ZFHX4: variants seen among roughly 807,000 people sequenced by gnomAD.
ZFHX4 encodes the protein zinc finger homeobox 4, also known as zinc finger homeobox protein 4.
A neutral mutation model predicts 267.6 loss-of-function variants in ZFHX4; 56 were observed. That is an observed-to-expected ratio of 0.21 (90% CI 0.17 to 0.26). The LOEUF is 0.26. ZFHX4 is among the 10% of genes least tolerant of loss of function. The pLI is 1.00. For missense variants in ZFHX4, 4,332 were observed against 4,420.0 expected, an observed-to-expected ratio of 0.98 and a Z score of 0.56; for synonymous variants, 1,778 against 1,665.6, an observed-to-expected ratio of 1.07 and a Z score of -1.64.
At chr8:76,699,151 T>C (rs1808035501) in intron 1 of ZFHX4, among the ~76,000 whole-genome samples, 1 of 152,206 alleles carries the variant, frequency 6.6e-6, no homozygotes, top group South Asian at 2.1e-4. Flanking sequence ...CTCACAAACA[T>C]TAACTACGCA....
chr8:76,785,988 C>T (rs1810678302), intron 4 of ZFHX4, among the ~76,000 whole-genome samples: 1 of 152,082 alleles, frequency 6.6e-6, no homozygotes. Context: ...CCTTGATTTC[C>T]TCAACTCACG....
intron 3 of ZFHX4, among the ~76,000 whole-genome samples, chr8:76,773,675 A>G (rs1810328362): frequency 6.6e-6 from 1 of 152,136 alleles, no homozygotes; most frequent in Non-Finnish European, 1.5e-5. Context: ...TGCTTTTTAA[A>G]TGATCTATGT....
chr8:76,855,130 T>C lies in ZFHX4; in HGVS notation c.8209T>C (p.Leu2737=). 6.2e-7 allele frequency: 1 copy of C among 1,613,600 alleles called. No homozygotes were observed. Among genetic ancestry groups the C allele is most frequent in the Non-Finnish European group, 8.5e-7 (1 of 1,179,718 alleles). Residue 2737 remains leucine, a synonymous_variant, in exon 10 of 11, where the codon TTA becomes CTA. Coordinates refer to ENST00000651372, the MANE Select transcript of ZFHX4 (RefSeq NM_024721.5). The part of the protein sequence containing the change: ...YIYFDYPSLP[L]TKIDLSSENE... ...CTATTTTGATTACCCATCTTTGCCA[T>C]TAACTAAAATTGATCTATCAAGTGA...
intron 5 of ZFHX4, among the ~76,000 whole-genome samples, chr8:76,842,380 T>C (rs1355377440): frequency 6.6e-6 from 1 of 152,226 alleles, no homozygotes; most frequent in South Asian, 2.1e-4. Context: ...TTTAAATATG[T>C]TTCAGCTTAA....
intron 3 of ZFHX4, among the ~76,000 whole-genome samples, chr8:76,740,082 G>T (rs1019422897): frequency 1.3e-5 from 2 of 152,150 alleles, no homozygotes; most frequent in Admixed American, 6.6e-5. Context: ...CAGTGGAAGA[G>T]AATTGTTGAA....
At chr8:76,778,084 A>C in intron 3 of ZFHX4, 124 bp from the exon 4 acceptor site, 1 of 671,424 alleles carries the variant, frequency 1.5e-6, no homozygotes. Context: ...GCTGCGTCTT[A>C]TAAGAAAAAT....
intron 3 of ZFHX4, among the ~76,000 whole-genome samples, chr8:76,746,991 T>G (rs2131697357): frequency 6.6e-6 from 1 of 152,334 alleles, no homozygotes; most frequent in Admixed American, 6.5e-5. Context: ...GAACAAAAAC[T>G]TCATTTCTTA....
intron 3 of ZFHX4, among the ~76,000 whole-genome samples, chr8:76,718,882 C>T (rs1416722946): frequency 6.6e-6 from 1 of 150,558 alleles, no homozygotes; most frequent in Non-Finnish European, 1.5e-5. Context: ...ATTACAGCAG[C>T]TTGATAATGT....
At chr8:76,814,038 T>G (rs915090443) in intron 4 of ZFHX4, among the ~76,000 whole-genome samples, 1 of 152,164 alleles carries the variant, frequency 6.6e-6, no homozygotes, top group Non-Finnish European at 1.5e-5. Flanking sequence ...ATAACCGTCA[T>G]CATGCTATTC....
rs183969802 is a variant in ZFHX4 at position 76,783,856 on chromosome 8, G to A, written c.3325+5417G>A. ...AATATCAATAAATATATTAAGAATC[G>A]CAAACAAATTAAAAATTGAGTATTT... On this transcript the variant is annotated intron_variant, in intron 4 of 10. Transcript: ENST00000651372. 1.7e-4 allele frequency among the ~76,000 whole-genome samples: 26 copies of A among 151,864 alleles called. 1 individual carries two copies. Among genetic ancestry groups the A allele is most frequent in the Middle Eastern group, 3.4e-3 (1 of 294 alleles).
intron 3 of ZFHX4, among the ~76,000 whole-genome samples, chr8:76,764,235 G>A (rs1374674312): frequency 1.3e-5 from 2 of 152,166 alleles, no homozygotes; most frequent in Non-Finnish European, 2.9e-5. Context: ...TTTGTCTGGA[G>A]AGATGACTAA....
chr8:76,706,138 C>T lies in ZFHX4; in HGVS notation c.2050C>T (p.Pro684Ser). 6.2e-7 allele frequency: 1 copy of T among 1,613,866 alleles called. No homozygotes were observed. Among genetic ancestry groups the T allele is most frequent in the Non-Finnish European group, 8.5e-7 (1 of 1,179,890 alleles). Residue 684 changes from proline to serine, a missense_variant, in exon 2 of 11, where the codon CCC becomes TCC. Pro to Ser is a moderately conservative substitution (Grantham distance 74, BLOSUM62 -1). Transcript: ENST00000651372. ...TTATTGTAAGACTGGACAGCCTCAC[C>T]CCAGGCTTGCCCGGGGTGAGAGTTA... ...CVYCKTGQPHPRLARGESYTC... is the reference protein window; with the variant it reads ...CVYCKTGQPHSRLARGESYTC...
At position 76,704,605 on chromosome 8, in the gene ZFHX4, G is replaced by A; in HGVS notation, c.517G>A (p.Ala173Thr). Residue 173 changes from alanine (A) to threonine (T), a missense_variant, in exon 2 of 11, where the codon GCT (alanine) becomes ACT (threonine). Physicochemically the swap from Ala to Thr is moderately conservative, Grantham distance 58. Coordinates refer to ENST00000651372, the MANE Select transcript of ZFHX4 (RefSeq NM_024721.5). ...TAMFLDSLAS[A>T]GEKSDQSASA... ...GATGTTCCTGGACTCCCTGGCATCTGCTGGAGAGAAGAGTGATCAGTCTGC... is the reference window on the plus strand; with the variant it reads ...GATGTTCCTGGACTCCCTGGCATCTACTGGAGAGAAGAGTGATCAGTCTGC... 1 of 1,614,024 alleles carries A rather than the reference G, an allele frequency of 6.2e-7. No individual in the cohort carries two copies. The highest frequency in any genetic ancestry group is 1.3e-5 in the African/African-American group (1 of 75,062).
chr8:76,833,638 C>T (rs1811996990), intron 5 of ZFHX4: 2 of 429,714 alleles, frequency 4.7e-6, no homozygotes, highest in Non-Finnish European at 8.6e-6. Context: ...TTCCCCAATA[C>T]CCTCTCCCCT....
intron 3 of ZFHX4, among the ~76,000 whole-genome samples, chr8:76,738,975 A>G (rs530923604): frequency 6.6e-6 from 1 of 152,116 alleles, no homozygotes; most frequent in East Asian, 1.9e-4. Context: ...TCAGCCTCCC[A>G]AACTTCTGGT....
rs761856014 is a variant in ZFHX4, at chr8:76,854,210, C to T, written c.7289C>T (p.Pro2430Leu). Residue 2430 changes from proline to leucine, a missense_variant, in exon 10 of 11, where the codon CCA becomes CTA. Physicochemically the swap from Pro to Leu is moderately conservative, Grantham distance 98. This residue lies in a region of ZFHX4 where 1,648 missense variants were observed against 1,625.0 expected (regional missense o/e 1.01). Transcript: ENST00000651372. ...PPSQGTKPAL[P>L]LASTSSDPPQ... The stretch of plus-strand genomic sequence containing the variant: ...TCTCAAGGCACCAAACCAGCCCTGC[C>T]ATTAGCATCGACTTCCTCGGACCCA... The T allele has an allele frequency of 4.5e-6, 7 of 1,568,172 alleles. No individual in the cohort carries two copies. The South Asian group carries it at 5.8e-5, about 13-fold the overall frequency.
At chr8:76,682,182 G>T (rs1201582822) in intron 1 of ZFHX4, among the ~76,000 whole-genome samples, 1 of 152,258 alleles carries the variant, frequency 6.6e-6, no homozygotes, top group Non-Finnish European at 1.5e-5. Flanking sequence ...AAGTTTGGAC[G>T]TTGGTCGGTG....
In ZFHX4 at chr8:76,849,723, C is replaced by T. The variant is rs1368129051; in HGVS notation, c.3846+11C>T. 1 of 1,607,336 alleles carries T rather than the reference C, an allele frequency of 6.2e-7. No individual in the cohort carries two copies. Among genetic ancestry groups the T allele is most frequent in the Non-Finnish European group, 8.5e-7 (1 of 1,174,584 alleles). On this transcript the variant is annotated intron_variant, in intron 8 of 10. Coordinates refer to ENST00000651372, the MANE Select transcript of ZFHX4 (RefSeq NM_024721.5). ...AAGCTGCTTATGACAGTAAGGATAC[C>T]AAATATTGATGCATGTGTGACATAA... is the stretch of plus-strand genomic sequence containing the variant.
chr8:76,851,574 C>T lies in ZFHX4; in HGVS notation c.4653C>T (p.Thr1551=), dbSNP rs1162858757. 4.3e-6 allele frequency: 7 copies of T among 1,613,836 alleles called. No individual in the cohort carries two copies. In the Admixed American group the frequency reaches 1.0e-4, roughly 23 times the overall value. Residue 1551 remains threonine, a synonymous_variant, in exon 10 of 11, where the codon ACC becomes ACT. Transcript: ENST00000651372. ...YKCTVCKESF[T]QKNILLVHYN... The stretch of plus-strand genomic sequence containing the variant: ...GTACAGTGTGTAAAGAGTCATTCAC[C>T]CAAAAGAACATTCTCTTGGTCCACT...
Sources: allele counts gnomAD v4.1 joint callset (sites outside exome capture counted in the v4.1 genomes callset), GRCh38; gene constraint gnomAD v4.1.1; regional missense constraint gnomAD v4.1.1; transcripts MANE v1.5; gene names NCBI Gene and HGNC (gene_info 2026-07-23, HGNC 2026-07-21).